The following DCC variants were observed in gnomAD, a reference collection of about 807,000 sequenced individuals.
The protein encoded by DCC is DCC netrin 1 receptor.
DCC carries 58 observed loss-of-function variants against 172.5 expected under a neutral mutation model. The ratio of observed to expected loss-of-function variants is 0.34; its 90% CI spans 0.27 to 0.42. The LOEUF is 0.42. Ranked by LOEUF, DCC falls within the 10% of genes least tolerant of loss-of-function variation. The pLI is 1.00. For synonymous variants in DCC, 709 were observed against 644.5 expected (o/e 1.10, Z -1.52); for missense variants, 1,740 against 1,791.0 (o/e 0.97, Z 0.51).
At chr18:53,486,326 T>C (rs760199431) in intron 25 of DCC, among the ~76,000 whole-genome samples, 1 of 152,122 alleles carries the variant, frequency 6.6e-6, no homozygotes, top group Non-Finnish European at 1.5e-5. Flanking sequence ...ACTTTGCTTC[T>C]CTCTCTCTCG....
At chr18:52,386,331 A>G (rs1301259626) in intron 1 of DCC, among the ~76,000 whole-genome samples, 1 of 152,120 alleles carries the variant, frequency 6.6e-6, no homozygotes. Flanking sequence ...CTTAACAAAG[A>G]TATAGCTTTC....
At chr18:53,519,513 C>A (rs184597025) in intron 27 of DCC, among the ~76,000 whole-genome samples, 1 of 150,666 alleles carries the variant, frequency 6.6e-6, no homozygotes, top group East Asian at 2.0e-4. Context: ...GCACCTCCCT[C>A]TCCCAAAATG....
intron 5 of DCC, among the ~76,000 whole-genome samples, chr18:52,949,022 T>C (rs1033501531): frequency 6.6e-6 from 1 of 152,210 alleles, no homozygotes; most frequent in African/African-American, 2.4e-5. Flanking sequence ...AGCAGGAAAC[T>C]CACTGAATTA....
At chr18:52,671,919 T>C (rs902208358) in intron 1 of DCC, among the ~76,000 whole-genome samples, 2 of 152,172 alleles carry the variant, frequency 1.3e-5, no homozygotes, top group African/African-American at 4.8e-5. Flanking sequence ...AGAGGACTTA[T>C]ATTTTTATTT....
chr18:52,686,158 A>C (rs1032103044), intron 1 of DCC, among the ~76,000 whole-genome samples: 1 of 152,094 alleles, frequency 6.6e-6, no homozygotes, highest in Non-Finnish European at 1.5e-5. Context: ...CACTTCCTTC[A>C]GAATATGATG....
intron 1 of DCC, among the ~76,000 whole-genome samples, chr18:52,374,721 C>T (rs1246285852): frequency 6.6e-6 from 1 of 152,090 alleles, no homozygotes; most frequent in African/African-American, 2.4e-5. Context: ...AATAAATTGT[C>T]TTGATTGAAC....
chr18:52,774,101 A>G (rs950886754), intron 2 of DCC, among the ~76,000 whole-genome samples: 1 of 152,218 alleles, frequency 6.6e-6, no homozygotes, highest in African/African-American at 2.4e-5. Context: ...TGTGGCGTGG[A>G]GCCATGGCTG....
At chr18:52,632,439 A>G (rs2034694841) in intron 1 of DCC, among the ~76,000 whole-genome samples, 1 of 152,218 alleles carries the variant, frequency 6.6e-6, no homozygotes, top group South Asian at 2.1e-4. Context: ...TGCATGCGTA[A>G]TAAAGCACCA....
At chr18:52,823,191 A>T (rs2038440750) in intron 2 of DCC, among the ~76,000 whole-genome samples, 1 of 152,138 alleles carries the variant, frequency 6.6e-6, no homozygotes, top group Non-Finnish European at 1.5e-5. Context: ...GACTCAGGCC[A>T]GGCTTTGTGG....
intron 2 of DCC, among the ~76,000 whole-genome samples, chr18:52,786,178 T>C (rs2037654227): frequency 6.6e-6 from 1 of 152,092 alleles, no homozygotes; most frequent in Non-Finnish European, 1.5e-5. Flanking sequence ...GGTTTTATTT[T>C]CCTAAACAAA....
At chr18:53,364,573 C>T (rs532013811) in intron 15 of DCC, among the ~76,000 whole-genome samples, 2 of 151,972 alleles carry the variant, frequency 1.3e-5, no homozygotes, top group African/African-American at 4.8e-5. Context: ...CCTTCATCGA[C>T]CATTAAGTGG....
At chr18:52,779,512 C>T (rs900015464) in intron 2 of DCC, among the ~76,000 whole-genome samples, 2 of 152,140 alleles carry the variant, frequency 1.3e-5, no homozygotes, top group Non-Finnish European at 2.9e-5. Flanking sequence ...TATAGTATTC[C>T]ATGGTATATA....
chr18:53,250,837 C>T (rs541235906), intron 12 of DCC, among the ~76,000 whole-genome samples: 3 of 152,000 alleles, frequency 2.0e-5, no homozygotes, highest in South Asian at 2.1e-4. Context: ...TCTCCACTTC[C>T]GTTATCTCCC....
intron 1 of DCC, among the ~76,000 whole-genome samples, chr18:52,427,245 G>A (rs1987458982): frequency 6.6e-6 from 1 of 152,084 alleles, no homozygotes; most frequent in Admixed American, 6.6e-5. Flanking sequence ...TAGCTACCTA[G>A]TGCCAAATCC....
intron 27 of DCC, among the ~76,000 whole-genome samples, chr18:53,511,351 C>G (rs369245782): frequency 6.6e-6 from 1 of 152,238 alleles, no homozygotes; most frequent in East Asian, 1.9e-4. Context: ...TAGCTGTAAA[C>G]TGAAACAGAC....
intron 22 of DCC, among the ~76,000 whole-genome samples, chr18:53,443,189 A>G (rs958094776): frequency 3.3e-5 from 5 of 152,216 alleles, no homozygotes; most frequent in African/African-American, 1.2e-4. Flanking sequence ...GAGACAGGTC[A>G]ATAGTTGGCT....
chr18:52,491,989 C>G (rs1017001570), intron 1 of DCC, among the ~76,000 whole-genome samples: 2 of 151,780 alleles, frequency 1.3e-5, no homozygotes, highest in African/African-American at 4.8e-5. Flanking sequence ...TCCCTAATAC[C>G]ATGTCCTGGG....
chr18:53,403,325 G>A (rs1909444886), intron 19 of DCC, among the ~76,000 whole-genome samples: 2 of 152,046 alleles, frequency 1.3e-5, no homozygotes, highest in Non-Finnish European at 2.9e-5. Context: ...CACATACGGA[G>A]GTTTGGGGAT....
chr18:52,818,589 G>C (rs1032007712), intron 2 of DCC, among the ~76,000 whole-genome samples: 3 of 151,600 alleles, frequency 2.0e-5, no homozygotes, highest in South Asian at 4.3e-4. Flanking sequence ...GATACTAAAA[G>C]ATATAAAATT....
Sources: gnomAD v4.1 joint callset for allele counts (sites outside exome capture counted in the v4.1 genomes callset) on GRCh38, gnomAD v4.1.1 for gene constraint, MANE v1.5 for transcripts, NCBI Gene and HGNC (gene_info 2026-07-23, HGNC 2026-07-21) for gene names.